Variants in ABCB1 observed in about 807,000 individuals in gnomAD.
ABCB1 encodes ATP binding cassette subfamily B member 1.
Under a neutral mutation model 142.0 loss-of-function variants are expected in ABCB1, and 69 were observed. The observed-to-expected ratio is 0.49, with a 90% CI of 0.40 to 0.59. The LOEUF (loss-of-function observed/expected upper bound fraction) is 0.59. Among genes scored for constraint, ABCB1 ranks in the 20% least tolerant of loss-of-function variants. The probability of loss-of-function intolerance (pLI) is 0.00; values close to 1 mark genes in which losing one functional copy is unlikely to be tolerated. For synonymous variants in ABCB1, 532 were observed against 539.2 expected (o/e 0.99, Z 0.18); for missense variants, 1,326 against 1,554.7 (o/e 0.85, Z 2.47).
intron 7 of ABCB1, among the ~76,000 whole-genome samples, 186 bp from the exon 8 acceptor site, chr7:87,561,573 C>T (rs1182400513): frequency 2.0e-5 from 3 of 152,182 alleles, no homozygotes; most frequent in African/African-American, 7.2e-5. Flanking sequence ...AAACCAGCCA[C>T]TGATGCATGA....
chr7:87,508,048 T>C (rs1484985906), intron 26 of ABCB1, among the ~76,000 whole-genome samples: 1 of 152,068 alleles, frequency 6.6e-6, no homozygotes, highest in Non-Finnish European at 1.5e-5. Flanking sequence ...AGTACCTAGG[T>C]GACAGGATCA....
At chr7:87,614,900 C>T (rs192367075) in intron 1 of ABCB1, among the ~76,000 whole-genome samples, 108 of 151,940 alleles carry the variant, frequency 7.1e-4, no homozygotes, top group Non-Finnish European at 1.3e-3. Context: ...GGCTGGAGTG[C>T]GGTGGCACCA....
At chr7:87,552,050 A>T (rs934811086) in intron 9 of ABCB1, among the ~76,000 whole-genome samples, 3 of 152,218 alleles carry the variant, frequency 2.0e-5, no homozygotes, top group Non-Finnish European at 2.9e-5. Context: ...GAGATGTTGT[A>T]TCATGATAAA....
At chr7:87,559,500 G>T (rs1298119627) in intron 8 of ABCB1, among the ~76,000 whole-genome samples, 1 of 151,742 alleles carries the variant, frequency 6.6e-6, no homozygotes, top group Non-Finnish European at 1.5e-5. Flanking sequence ...TTAGTTTATG[G>T]ATATGTCAAT....
Position 87,626,461 on chromosome 7 carries a change from C to CAT in ABCB1, c.-330-25385_-330-25384dup, listed in dbSNP as rs1389065904. 1.8e-3 allele frequency among the ~76,000 whole-genome samples: 23 copies of CAT among 12,746 alleles called. 7 individuals are homozygous for CAT. Among genetic ancestry groups the CAT allele is most frequent in the Non-Finnish European group, 2.1e-3 (20 of 9,524 alleles). The allele number at this position is 12,746 out of a possible 152,430, so 8.4% of individuals were successfully genotyped here. A position where few individuals can be genotyped will look rare whatever the true frequency, so the allele number is the denominator to read the frequency against. The stretch of plus-strand genomic sequence containing the variant: ...TCATATATGTGTCATATATATGTGT[C>CAT]ATATATGTGTCATATATATGTGTCA... On this transcript the variant is annotated intron_variant, in intron 1 of 28. Coordinates refer to the ABCB1 transcript ENST00000265724.
At chr7:87,670,448 T>C (rs1280303394) in intron 1 of ABCB1, among the ~76,000 whole-genome samples, 3 of 152,224 alleles carry the variant, frequency 2.0e-5, no homozygotes, top group Admixed American at 1.3e-4. Context: ...TTTGTACCTA[T>C]CCATAGTCTG....
chr7:87,633,844 T>G (rs1288882420), intron 1 of ABCB1, among the ~76,000 whole-genome samples: 1 of 152,140 alleles, frequency 6.6e-6, no homozygotes, highest in Non-Finnish European at 1.5e-5. Flanking sequence ...GACAGTATAA[T>G]CTGTCTTATC....
chr7:87,652,847 T>A (rs1485374539), intron 1 of ABCB1, among the ~76,000 whole-genome samples: 1 of 151,954 alleles, frequency 6.6e-6, no homozygotes, highest in Non-Finnish European at 1.5e-5. Context: ...TTTTCCAGTG[T>A]TTTCCTTTAC....
chr7:87,638,053 A>G (rs1199899871), intron 1 of ABCB1, among the ~76,000 whole-genome samples: 1 of 151,960 alleles, frequency 6.6e-6, no homozygotes, highest in Admixed American at 6.6e-5. Flanking sequence ...TTATTATTGT[A>G]TTATTAAATT....
At chr7:87,623,896 C>G (rs1189808199) in intron 1 of ABCB1, among the ~76,000 whole-genome samples, 3 of 152,106 alleles carry the variant, frequency 2.0e-5, no homozygotes. Context: ...TTCCCCCATA[C>G]CACCACTCTT....
chr7:87,645,893 G>A (rs1024181136), intron 1 of ABCB1, among the ~76,000 whole-genome samples: 3 of 152,178 alleles, frequency 2.0e-5, no homozygotes, highest in Non-Finnish European at 4.4e-5. Flanking sequence ...ATTTTGGGTT[G>A]TGTTGGAGGG....
upstream of ABCB1, among the ~76,000 whole-genome samples, chr7:87,603,982 A>G (rs1819556203): frequency 6.6e-6 from 1 of 152,148 alleles, no homozygotes; most frequent in African/African-American, 2.4e-5. Context: ...CCTCTTCTCA[A>G]TCTCTTTTTG....
chr7:87,692,845 C>T (rs559387510), intron 1 of ABCB1, among the ~76,000 whole-genome samples: 2 of 152,196 alleles, frequency 1.3e-5, no homozygotes, highest in South Asian at 2.1e-4. Context: ...CTTTAACTGT[C>T]GTACCAAGTT....
At chr7:87,704,944 G>A (rs1829455764) in intron 1 of ABCB1, among the ~76,000 whole-genome samples, 1 of 152,198 alleles carries the variant, frequency 6.6e-6, no homozygotes, top group Non-Finnish European at 1.5e-5. Flanking sequence ...TACTAGCATA[G>A]TGTCATTTTG....
intron 1 of ABCB1, among the ~76,000 whole-genome samples, chr7:87,697,044 C>T (rs1343228870): frequency 6.6e-6 from 1 of 152,152 alleles, no homozygotes. Flanking sequence ...AAGTTATTTT[C>T]TTCAGCCACC....
chr7:87,676,316 C>T (rs1029234033), intron 1 of ABCB1, among the ~76,000 whole-genome samples: 31 of 152,144 alleles, frequency 2.0e-4, no homozygotes, highest in Non-Finnish European at 2.2e-4. Flanking sequence ...TGAGAGATAA[C>T]ATGTGTAAAC....
At chr7:87,679,775 AAGATC>A (rs1247510577) in intron 1 of ABCB1, among the ~76,000 whole-genome samples, 2 of 150,502 alleles carry the variant, frequency 1.3e-5, no homozygotes, top group African/African-American at 4.9e-5. Context: ...AACATTAAAA[AAGATC>A]TTATTCTGAG....
intron 4 of ABCB1, among the ~76,000 whole-genome samples, chr7:87,581,941 C>A (rs879561415): frequency 1.3e-5 from 2 of 152,156 alleles, no homozygotes; most frequent in Non-Finnish European, 2.9e-5. Flanking sequence ...TAGGCTGGTT[C>A]TCCCTCCACA....
At chr7:87,698,123 G>A (rs1036173133) in intron 1 of ABCB1, among the ~76,000 whole-genome samples, 1 of 151,962 alleles carries the variant, frequency 6.6e-6, no homozygotes, top group African/African-American at 2.4e-5. Context: ...TTTTTGAGAC[G>A]AAGTCTCACT....
Sources: gnomAD v4.1 joint callset for allele counts (sites outside exome capture counted in the v4.1 genomes callset) on GRCh38, gnomAD v4.1.1 for gene constraint, MANE v1.5 for transcripts, NCBI Gene and HGNC (gene_info 2026-07-23, HGNC 2026-07-21) for gene names.